Variants in NUMB observed in about 807,000 individuals in gnomAD.
The protein encoded by NUMB is protein numb homolog.
A neutral mutation model predicts 59.7 loss-of-function variants in NUMB; 29 were observed. The ratio of observed to expected loss-of-function variants is 0.49; its 90% confidence interval spans 0.36 to 0.66. NUMB has a LOEUF of 0.66. Ranked by LOEUF, NUMB falls within the 30% of genes least tolerant of loss-of-function variation. NUMB has a pLI of 0.00. For missense variants in NUMB, 723 were observed against 822.0 expected (o/e 0.88, Z 1.47); for synonymous variants, 288 against 288.2 (o/e 1.00, Z 0.01).
intron 1 of NUMB, among the ~76,000 whole-genome samples, chr14:73,425,791 T>A (rs1450771520): frequency 1.3e-5 from 2 of 151,184 alleles, no homozygotes; most frequent in Non-Finnish European, 2.9e-5. Flanking sequence ...ATAGGGGCTA[T>A]AATTCTAATT....
At chr14:73,293,013 C>A in intron 7 of NUMB, 139 bp from the exon 8 acceptor site, 1 of 851,678 alleles carries the variant, frequency 1.2e-6, no homozygotes, top group Non-Finnish European at 1.8e-6. Flanking sequence ...CTGTGTCCAG[C>A]AGTTTAAATA....
intron 2 of NUMB, among the ~76,000 whole-genome samples, chr14:73,389,282 A>AC (rs1370197965): frequency 3.2e-5 from 3 of 93,150 alleles, no homozygotes; most frequent in African/African-American, 1.5e-4. Flanking sequence ...CAAAAAAAAA[A>AC]AAAAAAAAAA....
intron 2 of NUMB, among the ~76,000 whole-genome samples, chr14:73,393,283 G>A (rs534795187): frequency 6.6e-6 from 1 of 152,310 alleles, no homozygotes; most frequent in South Asian, 2.1e-4. Flanking sequence ...CAGCTATCCA[G>A]TCTACCACAC....
intron 8 of NUMB, among the ~76,000 whole-genome samples, chr14:73,292,514 G>T (rs995121026): frequency 1.3e-5 from 2 of 152,092 alleles, no homozygotes; most frequent in African/African-American, 4.8e-5. Flanking sequence ...TTCCTTTAAT[G>T]ATCTTTGGTT....
At chr14:73,441,264 T>C (rs1425958790) in intron 1 of NUMB, among the ~76,000 whole-genome samples, 1 of 152,116 alleles carries the variant, frequency 6.6e-6, no homozygotes, top group Non-Finnish European at 1.5e-5. Context: ...AATTAATTTC[T>C]ACTTTAGGCC....
intron 5 of NUMB, among the ~76,000 whole-genome samples, chr14:73,317,013 C>T (rs1891117200): frequency 6.6e-6 from 1 of 152,156 alleles, no homozygotes; most frequent in East Asian, 1.9e-4. Flanking sequence ...AAACTCCATA[C>T]CACTTAAGGG....
chr14:73,415,924 TA>T (rs572128026), intron 1 of NUMB, among the ~76,000 whole-genome samples: 19 of 151,940 alleles, frequency 1.3e-4, no homozygotes, highest in African/African-American at 4.6e-4. Context: ...TCTAAAACAG[TA>T]CTACAAAAGA....
At chr14:73,341,611 A>C (rs1487905624) in intron 4 of NUMB, among the ~76,000 whole-genome samples, 2 of 152,168 alleles carry the variant, frequency 1.3e-5, no homozygotes, top group African/African-American at 4.8e-5. Flanking sequence ...TAAGTACAGT[A>C]CAGGTAGGAT....
At chr14:73,321,183 CACATG>C (rs1443177854) in intron 5 of NUMB, among the ~76,000 whole-genome samples, 7 of 152,156 alleles carry the variant, frequency 4.6e-5, no homozygotes, top group African/African-American at 1.7e-4. Context: ...TTACAGAGTG[CACATG>C]AAGTCATACT....
chr14:73,377,946 T>TA (rs1171587419), intron 2 of NUMB, among the ~76,000 whole-genome samples: 1 of 151,196 alleles, frequency 6.6e-6, no homozygotes, highest in Non-Finnish European at 1.5e-5. Context: ...AGCCTGGAGA[T>TA]AGATATATAT....
chr14:73,365,306 G>A (rs1894290015), intron 3 of NUMB, among the ~76,000 whole-genome samples: 2 of 152,096 alleles, frequency 1.3e-5, no homozygotes, highest in Admixed American at 6.6e-5. Flanking sequence ...CTCCCAAAGT[G>A]CTAAGATTAC....
intron 3 of NUMB, among the ~76,000 whole-genome samples, chr14:73,365,198 C>T (rs1894283997): frequency 6.6e-6 from 1 of 152,084 alleles, no homozygotes; most frequent in Non-Finnish European, 1.5e-5. Context: ...TGCCACTATA[C>T]ACAGCTAATT....
chr14:73,381,815 G>A (rs1895259028), intron 2 of NUMB, among the ~76,000 whole-genome samples: 1 of 151,968 alleles, frequency 6.6e-6, no homozygotes, highest in Non-Finnish European at 1.5e-5. Context: ...TGAATAAATA[G>A]TAATAAATAA....
intron 6 of NUMB, among the ~76,000 whole-genome samples, chr14:73,301,440 T>C (rs17182300): frequency 0.16 from 23,822 of 152,182 alleles, 2,701 homozygotes; most frequent in Non-Finnish European, 0.23. Context: ...GGCCCAATTA[T>C]ATGCTTGTTT....
At chr14:73,420,461 CTGTG>C (rs1204926061) in intron 1 of NUMB, among the ~76,000 whole-genome samples, 1 of 151,832 alleles carries the variant, frequency 6.6e-6, no homozygotes, top group Non-Finnish European at 1.5e-5. Context: ...TTTCAACTGT[CTGTG>C]TGTGCATGTG....
chr14:73,359,745 A>G (rs1894010954), intron 3 of NUMB, among the ~76,000 whole-genome samples: 1 of 152,194 alleles, frequency 6.6e-6, no homozygotes, highest in African/African-American at 2.4e-5. Flanking sequence ...AAAAAATTAC[A>G]GAAATAAGAA....
chr14:73,276,646 G>C lies in NUMB; in HGVS notation c.1888C>G (p.Arg630Gly). ...WAALENKSKQ[R>G]TNPSPTNPFS... ...GGGTTGGTAGGGGAGGGATTAGTAC[G>C]CTGCTTGGACTTATTTTCTAATGCA... The change falls in exon 13 of 13, where the codon CGT becomes GGT. Residue 630 changes from arginine (R) to glycine (G), a missense_variant. By Grantham distance (125) the Arg-to-Gly change is moderately radical. Coordinates refer to ENST00000555238, the MANE Select transcript of NUMB (RefSeq NM_001005743.2). 1 of 1,614,206 alleles carries C rather than the reference G, an allele frequency of 6.2e-7. No homozygotes were observed.
At chr14:73,308,913 C>T (rs1034701530) in intron 6 of NUMB, among the ~76,000 whole-genome samples, 5 of 152,014 alleles carry the variant, frequency 3.3e-5, no homozygotes, top group South Asian at 2.1e-4. Context: ...TAAGGGCAGC[C>T]GTGGTGGGGT....
intron 2 of NUMB, among the ~76,000 whole-genome samples, chr14:73,401,056 G>A (rs998339792): frequency 6.6e-6 from 1 of 152,094 alleles, no homozygotes; most frequent in African/African-American, 2.4e-5. Flanking sequence ...TTTAAGTAGG[G>A]GATTGAGCCC....
Sources: gnomAD v4.1 joint callset for allele counts (sites outside exome capture counted in the v4.1 genomes callset) on GRCh38, gnomAD v4.1.1 for gene constraint, MANE v1.5 for transcripts, NCBI Gene and HGNC (gene_info 2026-07-23, HGNC 2026-07-21) for gene names.